TMEM132B: variants seen among roughly 807,000 people sequenced by gnomAD.
TMEM132B encodes transmembrane protein 132B.
Under a neutral mutation model 90.8 loss-of-function variants are expected in TMEM132B, and 18 were observed. The ratio of observed to expected loss-of-function variants is 0.20; its 90% CI spans 0.14 to 0.29. TMEM132B has a LOEUF of 0.29. Among genes scored for constraint, TMEM132B ranks in the 10% least tolerant of loss-of-function variants. The probability of loss-of-function intolerance (pLI) is 1.00; values close to 1 mark genes in which losing one functional copy is unlikely to be tolerated. For missense variants in TMEM132B, 1,096 were observed against 1,326.8 expected (o/e 0.83, Z 2.70); for synonymous variants, 504 against 523.3 (o/e 0.96, Z 0.50).
chr12:125,368,098 A>G (rs1878186032), intron 2 of TMEM132B, among the ~76,000 whole-genome samples: 1 of 152,168 alleles, frequency 6.6e-6, no homozygotes, highest in Admixed American at 6.5e-5. Context: ...CTAGGTAAGT[A>G]TAGTTACTTT....
intron 3 of TMEM132B, among the ~76,000 whole-genome samples, chr12:125,506,975 A>G (rs1338887566): frequency 6.6e-6 from 1 of 152,228 alleles, no homozygotes; most frequent in African/African-American, 2.4e-5. Context: ...GCCATTCCAA[A>G]CTTCTGCAGG....
chr12:125,522,189 C>T (rs1883325203), intron 4 of TMEM132B, among the ~76,000 whole-genome samples: 1 of 152,166 alleles, frequency 6.6e-6, no homozygotes, highest in Admixed American at 6.5e-5. Flanking sequence ...ATTAGTCTCC[C>T]CCTTTCTATT....
chr12:125,554,543 C>T (rs996100023), intron 4 of TMEM132B, among the ~76,000 whole-genome samples: 7 of 149,742 alleles, frequency 4.7e-5, no homozygotes, highest in Non-Finnish European at 8.9e-5. Flanking sequence ...GTTGGTGGAT[C>T]GTCATGCTCT....
rs187667359 is a variant in TMEM132B, at chr12:125,560,694, G to A, written c.1294-23157G>A. Among the ~76,000 whole-genome samples the A allele has an allele frequency of 1.3e-3, 198 of 151,870 alleles. 6 individuals are homozygous for A. In the East Asian group the frequency reaches 0.032, roughly 24 times the overall value. On this transcript the variant is annotated intron_variant, in intron 4 of 8. Coordinates refer to ENST00000682704, the MANE Select transcript of TMEM132B (RefSeq NM_001366854.1). ...CAAAAAATTAGCCGGGCGCGGTGGC[G>A]GGTGCCTGTAGTCCCAGCTACTCGG...
chr12:125,445,245 T>G lies in TMEM132B; in HGVS notation c.1106+29568T>G, dbSNP rs1349778533. On this transcript the variant is annotated intron_variant, in intron 3 of 8. Transcript: ENST00000682704. This position sits in a 1 kb window ranked among gnomAD's most constrained non-coding sequence, Gnocchi z 4.3. ...CTTTTCCCACTGATGGAAGTGAAGC[T>G]TTGTGGTTGACGAGGTGGGCTCTGG... 6.6e-6 allele frequency among the ~76,000 whole-genome samples: 1 copy of G among 152,198 alleles called. No homozygotes were observed. The highest frequency in any genetic ancestry group is 1.5e-5 in the Non-Finnish European group (1 of 68,038).
At chr12:125,238,366 C>CAAAAAAAAAAAAA (rs762032967) in intron 1 of TMEM132B, among the ~76,000 whole-genome samples, 3 of 111,582 alleles carry the variant, frequency 2.7e-5, no homozygotes, top group Non-Finnish European at 3.7e-5. Flanking sequence ...AAAAAAAAAC[C>CAAAAAAAAAAAAA]AAAAAAAAAA....
At chr12:125,390,016 C>A (rs1042949431) in intron 2 of TMEM132B, among the ~76,000 whole-genome samples, 1 of 152,194 alleles carries the variant, frequency 6.6e-6, no homozygotes, top group African/African-American at 2.4e-5. Flanking sequence ...TGACCAGCAC[C>A]TCATAAGCTC....
chr12:125,314,709 A>G (rs959620993), intron 1 of TMEM132B, among the ~76,000 whole-genome samples: 1 of 152,026 alleles, frequency 6.6e-6, no homozygotes, highest in Admixed American at 6.6e-5. Context: ...GGCTGCTGTC[A>G]TTTTTCAGCT....
chr12:125,261,937 C>T (rs1454451630), intron 1 of TMEM132B, among the ~76,000 whole-genome samples: 1 of 152,112 alleles, frequency 6.6e-6, no homozygotes, highest in East Asian at 1.9e-4. Context: ...CTCAAGTGAT[C>T]CTCCAACGTC....
At chr12:125,507,803 GAA>G (rs1002101254) in intron 3 of TMEM132B, among the ~76,000 whole-genome samples, 15 of 152,284 alleles carry the variant, frequency 9.9e-5, no homozygotes, top group African/African-American at 3.4e-4. Context: ...GTTTTGAAAA[GAA>G]GAGAGAAGAG....
At chr12:125,503,058 T>G (rs1882740632) in intron 3 of TMEM132B, among the ~76,000 whole-genome samples, 1 of 152,218 alleles carries the variant, frequency 6.6e-6, no homozygotes. Flanking sequence ...GATCTCTCAT[T>G]AGGGTGCATC....
At position 125,576,470 on chromosome 12, in the gene TMEM132B, C is replaced by T. The variant is rs1884943971; in HGVS notation, c.1294-7381C>T. On this transcript the variant is annotated intron_variant, in intron 4 of 8. Coordinates refer to ENST00000682704, the MANE Select transcript of TMEM132B (RefSeq NM_001366854.1). Reference sequence around the variant, plus strand: ...GATTCATTTCAATTAATCCCCCCCACCCCGCCCCAATTACCTTGGCTAGAA... The same window carrying T: ...GATTCATTTCAATTAATCCCCCCCATCCCGCCCCAATTACCTTGGCTAGAA... Among the ~76,000 whole-genome samples the T allele has an allele frequency of 1.4e-5, 2 of 145,378 alleles. 1 individual carries two copies. The highest frequency in any genetic ancestry group is 4.6e-4 in the South Asian group (2 of 4,302).
chr12:125,283,164 T>G (rs1176480939), intron 1 of TMEM132B, among the ~76,000 whole-genome samples: 1 of 152,160 alleles, frequency 6.6e-6, no homozygotes, highest in Admixed American at 6.5e-5. Flanking sequence ...ACTTGCCAAT[T>G]AATGATCTGT....
chr12:125,257,503 G>A (rs1874465868), intron 1 of TMEM132B, among the ~76,000 whole-genome samples: 1 of 152,212 alleles, frequency 6.6e-6, no homozygotes, highest in Admixed American at 6.5e-5. Context: ...GCATGTGTGG[G>A]TGGTGTGCGG....
Position 125,336,899 on chromosome 12 carries a change from C to T in TMEM132B, c.68-12553C>T, listed in dbSNP as rs149656329. On this transcript the variant is annotated intron_variant, in intron 1 of 8. Transcript: ENST00000682704. ...TCAAGATTACTCAGTGAATTTTCCT[C>T]TCTTATTTAAACAGTCTCCAAGGTG... is the stretch of plus-strand genomic sequence containing the variant. Among the ~76,000 whole-genome samples, 19 of 152,314 alleles carry T rather than the reference C, an allele frequency of 1.2e-4. No individual in the cohort carries two copies. The East Asian group carries it at 3.5e-3, about 28-fold the overall frequency.
At chr12:125,326,556 G>C in intron 1 of TMEM132B, 1 of 1,486,490 alleles carries the variant, frequency 6.7e-7, no homozygotes, top group Non-Finnish European at 9.1e-7. Context: ...GTGGGAATTA[G>C]GAACTGGGGG....
At chr12:125,520,200 C>G (rs1883273363) in intron 4 of TMEM132B, among the ~76,000 whole-genome samples, 1 of 152,154 alleles carries the variant, frequency 6.6e-6, no homozygotes, top group Non-Finnish European at 1.5e-5. Context: ...CGTTCATAGT[C>G]AAGCTCAGGG....
chr12:125,340,178 C>G (rs1195155917), intron 1 of TMEM132B, among the ~76,000 whole-genome samples: 1 of 152,002 alleles, frequency 6.6e-6, no homozygotes, highest in South Asian at 2.1e-4. Flanking sequence ...GAGGCACATA[C>G]CAGAAATGAA....
At chr12:125,306,820 C>T (rs1421548656) in intron 1 of TMEM132B, among the ~76,000 whole-genome samples, 1 of 152,234 alleles carries the variant, frequency 6.6e-6, no homozygotes, top group Non-Finnish European at 1.5e-5. Context: ...CCATCTCATT[C>T]CAAGTAAAAG....
Sources: allele counts gnomAD v4.1 joint callset (sites outside exome capture counted in the v4.1 genomes callset), GRCh38; gene constraint gnomAD v4.1.1; non-coding constraint Gnocchi (gnomAD v3.1); transcripts MANE v1.5; gene names NCBI Gene and HGNC (gene_info 2026-07-23, HGNC 2026-07-21).